Variants in GALNT17 observed in about 807,000 individuals in gnomAD.
GALNT17 encodes the protein UDP-GalNAc:polypeptide N-acetylgalactosaminyltransferase-like 3.
A neutral mutation model predicts 63.7 loss-of-function variants in GALNT17; 29 were observed. The ratio of observed to expected loss-of-function variants is 0.46; its 90% confidence interval spans 0.34 to 0.62. The LOEUF (loss-of-function observed/expected upper bound fraction) is 0.62, where lower values mean the gene tolerates loss of function less well. GALNT17 is among the 20% of genes least tolerant of loss of function. The probability of loss-of-function intolerance (pLI) is 0.01; values close to 1 mark genes in which losing one functional copy is unlikely to be tolerated. For missense variants in GALNT17, 603 were observed against 799.6 expected, an observed-to-expected ratio of 0.75 and a Z score of 2.97; for synonymous variants, 305 against 318.3, an observed-to-expected ratio of 0.96 and a Z score of 0.45.
intron 1 of GALNT17, among the ~76,000 whole-genome samples, chr7:71,137,128 C>T (rs1787798544): frequency 7.8e-6 from 1 of 128,672 alleles, no homozygotes; most frequent in African/African-American, 2.9e-5. Flanking sequence ...GGGCTGGAAT[C>T]ATATTTTTGA....
chr7:71,153,357 GGC>G (rs1383072293), intron 1 of GALNT17, among the ~76,000 whole-genome samples: 1 of 152,192 alleles, frequency 6.6e-6, no homozygotes, highest in Non-Finnish European at 1.5e-5. Context: ...TCGCCGTGGT[GGC>G]AGTTACTACC....
chr7:71,701,808 TATATATAC>T (rs1210649152), intron 9 of GALNT17, among the ~76,000 whole-genome samples: 2,724 of 101,338 alleles, frequency 0.027, 174 homozygotes, highest in African/African-American at 0.11. Context: ...TGTGTGTATA[TATATATAC>T]ACATATATAT....
chr7:71,407,523 G>A (rs987428663), intron 3 of GALNT17, among the ~76,000 whole-genome samples: 5 of 152,174 alleles, frequency 3.3e-5, no homozygotes, highest in East Asian at 1.9e-4. Context: ...TAAGGCAGGA[G>A]CATCACTTGA....
intron 1 of GALNT17, among the ~76,000 whole-genome samples, chr7:71,156,290 T>C (rs918554005): frequency 2.6e-5 from 4 of 151,940 alleles, no homozygotes; most frequent in Admixed American, 1.3e-4. Context: ...AGGCTAGGGC[T>C]TCCCATGCCT....
At position 71,491,564 on chromosome 7, in the gene GALNT17, T is replaced by C. The variant is rs186833732; in HGVS notation, c.962+70459T>C. Among the ~76,000 whole-genome samples, 47 of 152,268 alleles carry C rather than the reference T, an allele frequency of 3.1e-4. 5 individuals carry two copies. Among genetic ancestry groups the C allele is most frequent in the East Asian group, 2.9e-3 (15 of 5,178 alleles). ...GCAGTGGAGAGAGGCAGGGTTCCCA[T>C]ATCAGCCCGGATAGGTTAGCTTGCT... On this transcript the variant is annotated intron_variant, in intron 5 of 10. Coordinates refer to ENST00000333538, the MANE Select transcript of GALNT17 (RefSeq NM_022479.3).
At chr7:71,183,711 A>G (rs1206668475) in intron 1 of GALNT17, among the ~76,000 whole-genome samples, 3 of 152,124 alleles carry the variant, frequency 2.0e-5, no homozygotes, top group Non-Finnish European at 4.4e-5. Context: ...AGCCTGGGCA[A>G]CATGGTGAAA....
intron 5 of GALNT17, among the ~76,000 whole-genome samples, chr7:71,506,519 G>A (rs200818817): frequency 6.6e-6 from 1 of 151,968 alleles, no homozygotes; most frequent in African/African-American, 2.4e-5. Context: ...TGCCCACCTC[G>A]GCCTCCCAAA....
chr7:71,560,551 C>T (rs1484180754), intron 5 of GALNT17, among the ~76,000 whole-genome samples: 1 of 152,150 alleles, frequency 6.6e-6, no homozygotes, highest in Non-Finnish European at 1.5e-5. Context: ...GAGGGTGTGT[C>T]ATCACATGCA....
intron 6 of GALNT17, among the ~76,000 whole-genome samples, chr7:71,634,087 A>G (rs1394578533): frequency 1.3e-5 from 2 of 152,204 alleles, no homozygotes; most frequent in South Asian, 2.1e-4. Context: ...CAAATATTGT[A>G]CATTGTATTC....
intron 1 of GALNT17, among the ~76,000 whole-genome samples, chr7:71,236,090 A>T (rs1283447544): frequency 6.6e-6 from 1 of 152,080 alleles, no homozygotes; most frequent in Non-Finnish European, 1.5e-5. Context: ...CTAAAGCAGG[A>T]GAATTGCTTG....
chr7:71,423,202 C>T (rs781483540), intron 5 of GALNT17, among the ~76,000 whole-genome samples: 2 of 152,298 alleles, frequency 1.3e-5, no homozygotes, highest in Admixed American at 6.5e-5. Flanking sequence ...CATTTAGGTC[C>T]GTGGGCACAG....
chr7:71,156,246 G>T (rs1469715109), intron 1 of GALNT17, among the ~76,000 whole-genome samples: 1 of 151,634 alleles, frequency 6.6e-6, no homozygotes, highest in Non-Finnish European at 1.5e-5. Flanking sequence ...CGTGCCTGTA[G>T]CTTGAACACC....
chr7:71,630,482 T>G (rs546618379), intron 6 of GALNT17, among the ~76,000 whole-genome samples: 2 of 152,312 alleles, frequency 1.3e-5, no homozygotes, highest in South Asian at 4.1e-4. Flanking sequence ...TCTCTTTTCA[T>G]GGACCCTAAT....
At chr7:71,633,156 G>T (rs534099862) in intron 6 of GALNT17, among the ~76,000 whole-genome samples, 3 of 151,984 alleles carry the variant, frequency 2.0e-5, no homozygotes, top group East Asian at 1.9e-4. Flanking sequence ...TTAGTTCTAG[G>T]GGGTGCTTAA....
At chr7:71,280,363 G>A (rs1384317557) in intron 1 of GALNT17, among the ~76,000 whole-genome samples, 3 of 152,136 alleles carry the variant, frequency 2.0e-5, no homozygotes, top group African/African-American at 7.2e-5. Context: ...AGCTTCCTCT[G>A]TGGTCACGTG....
At chr7:71,202,404 A>C (rs1271951950) in intron 1 of GALNT17, among the ~76,000 whole-genome samples, 1 of 152,166 alleles carries the variant, frequency 6.6e-6, no homozygotes, top group Non-Finnish European at 1.5e-5. Flanking sequence ...GCATTGTTTT[A>C]ATTCTAGCTT....
At chr7:71,215,206 T>C (rs1395456486) in intron 1 of GALNT17, among the ~76,000 whole-genome samples, 1 of 152,168 alleles carries the variant, frequency 6.6e-6, no homozygotes, top group Non-Finnish European at 1.5e-5. Context: ...GTTACCAGAG[T>C]CCAGTTCCGG....
intron 6 of GALNT17, among the ~76,000 whole-genome samples, chr7:71,608,185 A>ATAGT (rs1224395038): frequency 4.6e-5 from 7 of 152,160 alleles, no homozygotes; most frequent in Admixed American, 6.5e-5. Context: ...CATAAATCAT[A>ATAGT]TAGTCATCTG....
At chr7:71,153,776 T>A (rs1473467908) in intron 1 of GALNT17, among the ~76,000 whole-genome samples, 2 of 151,554 alleles carry the variant, frequency 1.3e-5, no homozygotes, top group East Asian at 3.9e-4. Context: ...AATTAGCCAG[T>A]CGTGGTGGCG....
Sources: allele counts gnomAD v4.1 joint callset (sites outside exome capture counted in the v4.1 genomes callset), GRCh38; gene constraint gnomAD v4.1.1; transcripts MANE v1.5; gene names NCBI Gene and HGNC (gene_info 2026-07-23, HGNC 2026-07-21).